CRYBG1: variants seen among roughly 807,000 people sequenced by gnomAD.
The protein encoded by CRYBG1 is crystallin beta-gamma domain containing 1.
Under a neutral mutation model 189.2 loss-of-function variants are expected in CRYBG1, and 139 were observed. The ratio of observed to expected loss-of-function variants is 0.73; its 90% CI spans 0.64 to 0.85. The LOEUF is 0.85. CRYBG1 is among the 40% of genes least tolerant of loss of function. The pLI is 0.00. For missense variants in CRYBG1, 2,611 were observed against 2,675.8 expected, an observed-to-expected ratio of 0.98 and a Z score of 0.53; for synonymous variants, 1,023 against 1,017.1, an observed-to-expected ratio of 1.01 and a Z score of -0.11.
At chr6:106,440,817 GAT>G (rs1445528078) in intron 1 of CRYBG1, among the ~76,000 whole-genome samples, 1 of 152,160 alleles carries the variant, frequency 6.6e-6, no homozygotes, top group Non-Finnish European at 1.5e-5. Context: ...TGATGAAACT[GAT>G]GTTTCTCAAT....
intron 13 of CRYBG1, among the ~76,000 whole-genome samples, chr6:106,551,556 T>G (rs913098151): frequency 6.6e-6 from 1 of 152,226 alleles, no homozygotes; most frequent in African/African-American, 2.4e-5. Flanking sequence ...CTGGGTTGAA[T>G]ACTAGTTCTA....
chr6:106,512,353 G>A lies in CRYBG1; in HGVS notation c.1236G>A (p.Arg412=), dbSNP rs745834762. ...DCGDWDDMEK[R]SSGRRSGRRR... ...GTGACTGGGACGACATGGAGAAGAG[G>A]TCCAGCGGCCGTAGGTCGGGGAGGC... is the stretch of plus-strand genomic sequence containing the variant. Residue 412 remains arginine, a synonymous_variant, in exon 3 of 22, where the codon AGG becomes AGA. Transcript: ENST00000633556. 5 of 1,611,366 alleles carry A rather than the reference G, an allele frequency of 3.1e-6. No homozygotes were observed. Among genetic ancestry groups the A allele is most frequent in the African/African-American group, 1.3e-5 (1 of 75,030 alleles).
Position 106,570,385 on chromosome 6 carries a change from G to A in CRYBG1, c.*1819G>A, listed in dbSNP as rs1321332248. ...GTGCATACCATTACAATATGGTGGG[G>A]TAAGACATTCTACAGTAGCCTGTGC... On this transcript the variant is annotated 3_prime_UTR_variant, in exon 22 of 22. Coordinates refer to ENST00000633556, the MANE Select transcript of CRYBG1 (RefSeq NM_001371242.2). 2.0e-5 allele frequency: 3 copies of A among 152,212 alleles called. No homozygotes were observed. The allele number at this position is 152,212 out of a possible 1,614,324, so 9.4% of individuals were successfully genotyped here.
intron 1 of CRYBG1, among the ~76,000 whole-genome samples, chr6:106,403,298 C>T (rs1448743326): frequency 1.3e-5 from 2 of 152,192 alleles, no homozygotes; most frequent in Non-Finnish European, 2.9e-5. Context: ...CACTGCACTC[C>T]AGTCTGGCTG....
At chr6:106,427,531 AGCT>A (rs1464411129) in intron 1 of CRYBG1, among the ~76,000 whole-genome samples, 1 of 152,138 alleles carries the variant, frequency 6.6e-6, no homozygotes, top group African/African-American at 2.4e-5. Flanking sequence ...GCTCATTCCC[AGCT>A]GCTATCATCT....
intron 1 of CRYBG1, among the ~76,000 whole-genome samples, chr6:106,441,149 C>T (rs1052348034): frequency 6.6e-6 from 1 of 152,006 alleles, no homozygotes; most frequent in African/African-American, 2.4e-5. Context: ...CAAGCAAAGA[C>T]ATATAAATAA....
chr6:106,474,420 T>C (rs1231502124), intron 2 of CRYBG1, among the ~76,000 whole-genome samples: 1 of 152,266 alleles, frequency 6.6e-6, no homozygotes, highest in African/African-American at 2.4e-5. Flanking sequence ...TGTATAGTTA[T>C]GTTTCTCCTT....
intron 1 of CRYBG1, among the ~76,000 whole-genome samples, chr6:106,431,564 A>G (rs1771327117): frequency 6.6e-6 from 1 of 152,228 alleles, no homozygotes; most frequent in South Asian, 2.1e-4. Context: ...TGTTCCAGTT[A>G]AACAAATACA....
At chr6:106,408,736 A>G (rs772290985) in intron 1 of CRYBG1, among the ~76,000 whole-genome samples, 1 of 152,178 alleles carries the variant, frequency 6.6e-6, no homozygotes, top group Non-Finnish European at 1.5e-5. Flanking sequence ...ACCAATAAAC[A>G]TAATCCATCA....
At chr6:106,397,765 G>C (rs1373214961) in intron 1 of CRYBG1, among the ~76,000 whole-genome samples, 1 of 152,198 alleles carries the variant, frequency 6.6e-6, no homozygotes, top group African/African-American at 2.4e-5. Context: ...TTCTAACAAG[G>C]ATTAACATAG....
At chr6:106,534,964 A>G (rs570845861) in intron 8 of CRYBG1, among the ~76,000 whole-genome samples, 55 of 152,348 alleles carry the variant, frequency 3.6e-4, no homozygotes, top group South Asian at 2.5e-3. Flanking sequence ...TCTCCAGACT[A>G]GGGTTAGCTG....
intron 2 of CRYBG1, among the ~76,000 whole-genome samples, chr6:106,477,622 C>T (rs1482318288): frequency 1.3e-5 from 2 of 152,176 alleles, no homozygotes; most frequent in African/African-American, 4.8e-5. Context: ...AGCAAAACAT[C>T]TCTCTCTGAG....
At chr6:106,446,589 A>G (rs997425962) in intron 1 of CRYBG1, among the ~76,000 whole-genome samples, 3 of 152,202 alleles carry the variant, frequency 2.0e-5, no homozygotes, top group Non-Finnish European at 2.9e-5. Flanking sequence ...TAAAAAACTT[A>G]TTTAACTTGC....
At chr6:106,517,349 C>CATAT (rs963380889) in intron 3 of CRYBG1, among the ~76,000 whole-genome samples, 6 of 83,874 alleles carry the variant, frequency 7.2e-5, no homozygotes, top group Non-Finnish European at 1.4e-4. Context: ...TATACACACA[C>CATAT]ATATATATAT....
In CRYBG1 at chr6:106,512,502, C is replaced by A. The variant is rs1773303521; in HGVS notation, c.1385C>A (p.Ser462Ter). The change falls in exon 3 of 22, where the codon TCG (serine) becomes TAG (stop). Residue 462 changes from serine to a stop codon, truncating the protein, a stop_gained. Coordinates refer to ENST00000633556, the MANE Select transcript of CRYBG1 (RefSeq NM_001371242.2). LOFTEE classifies it high-confidence loss of function. ...VAPNAASDNA[S>*]AEKKVKSPRA... ...CCAAACGCGGCCAGCGATAACGCCT[C>A]GGCGGAAAAGAAAGTGAAATCTCCG... 1 of 1,611,162 alleles carries A rather than the reference C, an allele frequency of 6.2e-7. No individual in the cohort carries two copies. The highest frequency in any genetic ancestry group is 1.3e-5 in the African/African-American group (1 of 75,026).
At chr6:106,472,501 A>G (rs566447280) in intron 2 of CRYBG1, among the ~76,000 whole-genome samples, 1 of 151,112 alleles carries the variant, frequency 6.6e-6, no homozygotes, top group African/African-American at 2.4e-5. Context: ...ACAGTACACT[A>G]AACATTTTTT....
intron 1 of CRYBG1, among the ~76,000 whole-genome samples, chr6:106,373,636 T>G (rs553466272): frequency 7.7e-4 from 117 of 152,362 alleles, no homozygotes; most frequent in African/African-American, 2.8e-3. Context: ...GTTCATTAGT[T>G]TCTATGAATA....
At chr6:106,515,756 A>AATTT (rs71726144) in intron 3 of CRYBG1, among the ~76,000 whole-genome samples, 7,796 of 141,268 alleles carry the variant, frequency 0.055, 257 homozygotes, top group Admixed American at 0.068. Flanking sequence ...GCAGAGATCA[A>AATTT]ATTTATTTAT....
intron 1 of CRYBG1, among the ~76,000 whole-genome samples, chr6:106,400,374 T>G (rs945597053): frequency 1.3e-5 from 2 of 152,218 alleles, no homozygotes; most frequent in African/African-American, 4.8e-5. Context: ...CAATGCCCTT[T>G]TTTCTTTATC....
Sources: allele counts gnomAD v4.1 joint callset (sites outside exome capture counted in the v4.1 genomes callset), GRCh38; gene constraint gnomAD v4.1.1; transcripts MANE v1.5; gene names NCBI Gene and HGNC (gene_info 2026-07-23, HGNC 2026-07-21).